DDX52: variants seen among roughly 807,000 people sequenced by gnomAD.
DDX52 encodes probable ATP-dependent RNA helicase DDX52.
Under a neutral mutation model 76.1 loss-of-function variants are expected in DDX52, and 59 were observed. That is an observed-to-expected ratio of 0.78 (90% confidence interval 0.63 to 0.96). DDX52 has a LOEUF of 0.96. DDX52 is among the 40% of genes least tolerant of loss of function. The probability of loss-of-function intolerance (pLI) is 0.00; values close to 1 mark genes in which losing one functional copy is unlikely to be tolerated. For synonymous variants in DDX52, 231 were observed against 244.1 expected, an observed-to-expected ratio of 0.95 and a Z score of 0.50; for missense variants, 707 against 703.9, an observed-to-expected ratio of 1.00 and a Z score of -0.05.
intron 2 of DDX52, among the ~76,000 whole-genome samples, chr17:37,636,384 C>T (rs1441103249): frequency 2.0e-5 from 3 of 152,118 alleles, no homozygotes; most frequent in African/African-American, 7.2e-5. Flanking sequence ...ACTAATTGAC[C>T]ATATATGCAT....
intron 1 of DDX52, chr17:37,643,114 C>T: frequency 2.4e-6 from 1 of 415,282 alleles, no homozygotes; most frequent in Non-Finnish European, 4.3e-6. Flanking sequence ...CGTGCCAGGC[C>T]CAACTAGGTC....
intron 14 of DDX52, among the ~76,000 whole-genome samples, chr17:37,614,609 T>A (rs1356085168): frequency 2.0e-5 from 3 of 152,142 alleles, no homozygotes; most frequent in Non-Finnish European, 4.4e-5. Context: ...ACCTAATGAG[T>A]TCACAATGAT....
chr17:37,635,709 A>G (rs2030893859), intron 2 of DDX52: 2 of 445,292 alleles, frequency 4.5e-6, no homozygotes, highest in South Asian at 3.2e-5. Context: ...CCTGTCTCTT[A>G]GGTAAATATT....
chr17:37,616,718 A>C (rs1040457364), intron 14 of DDX52, among the ~76,000 whole-genome samples: 3 of 152,142 alleles, frequency 2.0e-5, no homozygotes, highest in Non-Finnish European at 4.4e-5. Context: ...AATAAGTACA[A>C]ATGGAATTTG....
At chr17:37,643,193 C>A in intron 1 of DDX52, 141 bp downstream of exon 1, 6 of 803,948 alleles carry the variant, frequency 7.5e-6, no homozygotes, top group South Asian at 1.8e-5. Flanking sequence ...AAGCCGAACA[C>A]AAAAGGAAGC....
chr17:37,630,318 ACAT>A (rs2030616002), intron 4 of DDX52, 145 bp from the exon 5 acceptor site: 1 of 934,632 alleles, frequency 1.1e-6, no homozygotes, highest in Non-Finnish European at 1.5e-6. Flanking sequence ...TGCTTTCCTA[ACAT>A]CATCCATCCA....
chr17:37,618,925 G>A (rs1278691341), intron 13 of DDX52, among the ~76,000 whole-genome samples: 1 of 152,236 alleles, frequency 6.6e-6, no homozygotes, highest in Non-Finnish European at 1.5e-5. Context: ...GCTACTGACT[G>A]TGATTAAAAT....
intron 9 of DDX52, among the ~76,000 whole-genome samples, chr17:37,623,335 G>C (rs2030197860): frequency 6.6e-6 from 1 of 152,160 alleles, no homozygotes. Flanking sequence ...TGAGGTAGGA[G>C]AATGGCGTGA....
In DDX52 at chr17:37,618,304, G is replaced by T. The variant is rs774116670; in HGVS notation, c.1730C>A (p.Ala577Asp). ...ACCACATACTTACTGTTTATCCTTA[G>T]CTTTTTCTAAGAAACATTTTGGAGT... ...STTPKCFLEK[A>D]KDKQKKVTGQ... Residue 577 changes from alanine (A) to aspartate (D), a missense_variant, in exon 14 of 15, where the codon GCT (alanine) becomes GAT (aspartate). Coordinates refer to ENST00000617633, the MANE Select transcript of DDX52 (RefSeq NM_007010.5). 1.9e-6 allele frequency: 3 copies of T among 1,599,098 alleles called. No homozygotes were observed. The highest frequency in any genetic ancestry group is 2.6e-6 in the Non-Finnish European group (3 of 1,175,932).
At position 37,611,511 on chromosome 17, in the gene DDX52, T is replaced by C. The variant is rs2064365103; in HGVS notation, c.*2785A>G. 2 of 152,078 alleles carry C rather than the reference T, an allele frequency of 1.3e-5. No homozygotes were observed. Among genetic ancestry groups the C allele is most frequent in the African/African-American group, 4.8e-5 (2 of 41,432 alleles). 9.4% of individuals were successfully genotyped at this position (152,078 alleles called of 1,614,324 possible). On this transcript the variant is annotated 3_prime_UTR_variant, in exon 15 of 15. Transcript: ENST00000617633. ...AAAAGTTTATAAAGGCCGGATATAG[T>C]GGCTCACTCCAGGTCAGGAGTTTGA...
chr17:37,643,036 G>A (rs2031273469), intron 1 of DDX52: 2 of 305,082 alleles, frequency 6.6e-6, no homozygotes, highest in South Asian at 1.2e-4. Flanking sequence ...TCTAGGTTCG[G>A]AGAAAAAGTT....
At chr17:37,622,006 A>G (rs931709853) in intron 9 of DDX52, among the ~76,000 whole-genome samples, 7 of 152,248 alleles carry the variant, frequency 4.6e-5, no homozygotes, top group East Asian at 3.9e-4. Flanking sequence ...CATCACCCCA[A>G]TGGTGTACAC....
intron 2 of DDX52, among the ~76,000 whole-genome samples, chr17:37,636,958 C>T (rs1424156846): frequency 6.6e-6 from 1 of 152,058 alleles, no homozygotes; most frequent in Non-Finnish European, 1.5e-5. Context: ...TATGGTTTGG[C>T]TTACACCACA....
Position 37,624,363 on chromosome 17 carries a change from A to G in DDX52, c.1208T>C (p.Val403Ala), listed in dbSNP as rs151205578. 272 of 1,608,826 alleles carry G rather than the reference A, an allele frequency of 1.7e-4. No homozygotes were observed. In the African/African-American group the frequency reaches 3.2e-3, roughly 19 times the overall value. Residue 403 changes from valine (V) to alanine (A), a missense_variant, in exon 9 of 15, where the codon GTG (valine) becomes GCG (alanine). By Grantham distance (64) the Val-to-Ala change is moderately conservative. Transcript: ENST00000617633. ...VGSETGKLLA[V>A]RELVKKGFNP... is the part of the protein sequence containing the mutation. ...ATATACCTTTTTAACAAGTTCTCTC[A>G]CGGCCAGAAGTTTTCCGGTCTCAGA...
In DDX52 at chr17:37,643,433, A is replaced by C; in HGVS notation, c.-13T>G. On this transcript the variant is annotated 5_prime_UTR_variant, in exon 1 of 15. Coordinates refer to ENST00000617633, the MANE Select transcript of DDX52 (RefSeq NM_007010.5). ...CGTGGACGTCCATCTTTACCCAGAAAGCGCCACAGTTCTACGGCGCCTGCG... is the reference window on the plus strand; with the variant it reads ...CGTGGACGTCCATCTTTACCCAGAACGCGCCACAGTTCTACGGCGCCTGCG... The C allele has an allele frequency of 6.2e-7, 1 of 1,613,534 alleles. No individual in the cohort carries two copies. The highest frequency in any genetic ancestry group is 8.5e-7 in the Non-Finnish European group (1 of 1,179,782).
At position 37,624,201 on chromosome 17, in the gene DDX52, G is replaced by A. The variant is rs2030245525; in HGVS notation, c.1227+143C>T. 4 of 527,504 alleles carry A rather than the reference G, an allele frequency of 7.6e-6. No homozygotes were observed. In the Admixed American group the frequency reaches 1.4e-4, roughly 18 times the overall value. 32.7% of individuals were successfully genotyped at this position (527,504 alleles called of 1,614,324 possible). ...AGGATGATCATATAGTTAGCACAAT[G>A]TACTTTCTTATCAATTTACCAATGG... On this transcript the variant is annotated intron_variant, in intron 9 of 14. Transcript: ENST00000617633.
At chr17:37,619,454 G>A (rs1568598905) in intron 13 of DDX52, among the ~76,000 whole-genome samples, 1 of 152,092 alleles carries the variant, frequency 6.6e-6, no homozygotes, top group African/African-American at 2.4e-5. Context: ...CTAGTACTTC[G>A]GGAGGCAAGG....
intron 14 of DDX52, among the ~76,000 whole-genome samples, chr17:37,616,095 T>A (rs2064422519): frequency 6.6e-6 from 1 of 152,204 alleles, no homozygotes; most frequent in African/African-American, 2.4e-5. Flanking sequence ...CCATCTTATG[T>A]TCTAGTTGAT....
chr17:37,643,415 G>C lies in DDX52; in HGVS notation c.6C>G (p.Asp2Glu). The change falls in exon 1 of 15, where the codon GAC becomes GAG. Residue 2 changes from aspartate (D) to glutamate (E), a missense_variant. Transcript: ENST00000617633. Reference sequence around the variant, plus strand: ...CGAGCCGGCGAAAGAGATCGTGGACGTCCATCTTTACCCAGAAAGCGCCAC... The same window carrying C: ...CGAGCCGGCGAAAGAGATCGTGGACCTCCATCTTTACCCAGAAAGCGCCAC... M[D>E]VHDLFRRLGA... is the part of the protein sequence containing the mutation. 1 of 1,613,876 alleles carries C rather than the reference G, an allele frequency of 6.2e-7. No individual in the cohort carries two copies. The highest frequency in any genetic ancestry group is 8.5e-7 in the Non-Finnish European group (1 of 1,179,892).
Sources: allele counts gnomAD v4.1 joint callset (sites outside exome capture counted in the v4.1 genomes callset), GRCh38; gene constraint gnomAD v4.1.1; transcripts MANE v1.5; gene names NCBI Gene and HGNC (gene_info 2026-07-23, HGNC 2026-07-21).